The following DDR2 variants were observed in gnomAD, a reference collection of about 807,000 sequenced individuals.
DDR2 encodes the protein discoidin domain receptor tyrosine kinase 2.
Under a neutral mutation model 94.9 loss-of-function variants are expected in DDR2, and 27 were observed. The ratio of observed to expected loss-of-function variants is 0.28; its 90% confidence interval spans 0.21 to 0.39. The LOEUF (loss-of-function observed/expected upper bound fraction) is 0.39. Ranked by LOEUF, DDR2 falls within the 10% of genes least tolerant of loss-of-function variation. The pLI, the probability that DDR2 is intolerant of heterozygous loss-of-function variation, is 1.00. For missense variants in DDR2, 783 were observed against 1,076.0 expected (o/e 0.73, Z 3.81); for synonymous variants, 382 against 377.2 (o/e 1.01, Z -0.15).
chr1:162,637,137 A>G (rs540656484), intron 1 of DDR2, among the ~76,000 whole-genome samples: 1 of 152,200 alleles, frequency 6.6e-6, no homozygotes, highest in African/African-American at 2.4e-5. Context: ...ACACTGTTCT[A>G]TGTTTTATGA....
chr1:162,704,484 A>C (rs1660573634), intron 2 of DDR2, among the ~76,000 whole-genome samples: 1 of 152,224 alleles, frequency 6.6e-6, no homozygotes, highest in African/African-American at 2.4e-5. Context: ...ATAATAAAAA[A>C]AAGATAGTCC....
chr1:162,750,757 T>TACA (rs1423191781), intron 3 of DDR2, among the ~76,000 whole-genome samples: 2 of 152,172 alleles, frequency 1.3e-5, no homozygotes, highest in Non-Finnish European at 2.9e-5. Flanking sequence ...ACTACAAGGC[T>TACA]ACAGTAACCA....
intron 3 of DDR2, among the ~76,000 whole-genome samples, chr1:162,731,802 C>T (rs1662061288): frequency 6.6e-6 from 1 of 152,070 alleles, no homozygotes; most frequent in Non-Finnish European, 1.5e-5. Flanking sequence ...ATGAAGAAAC[C>T]GAAGTTCATA....
intron 2 of DDR2, among the ~76,000 whole-genome samples, chr1:162,717,477 C>T (rs1661225184): frequency 6.6e-6 from 1 of 152,152 alleles, no homozygotes; most frequent in African/African-American, 2.4e-5. Flanking sequence ...GATATAGATA[C>T]ATTATTATTA....
chr1:162,714,069 C>G (rs1395101556), intron 2 of DDR2, among the ~76,000 whole-genome samples: 1 of 152,070 alleles, frequency 6.6e-6, no homozygotes, highest in Non-Finnish European at 1.5e-5. Flanking sequence ...AGGTTGAATA[C>G]TTTTAGATGT....
intron 3 of DDR2, among the ~76,000 whole-genome samples, chr1:162,730,061 AAAAAAAAAAAAAAATCT>A (rs1420632951): frequency 6.7e-6 from 1 of 149,428 alleles, no homozygotes; most frequent in African/African-American, 2.5e-5. Flanking sequence ...TTTTTTGCAA[AAAAAAAAAAAAAAATCT>A]AAATGATGCC....
intron 2 of DDR2, among the ~76,000 whole-genome samples, chr1:162,660,237 C>T (rs987498253): frequency 1.3e-5 from 2 of 152,170 alleles, no homozygotes; most frequent in African/African-American, 4.8e-5. Flanking sequence ...CCATGATCCC[C>T]TCTAGGTAAG....
chr1:162,639,820 G>A (rs960723852), intron 1 of DDR2, among the ~76,000 whole-genome samples: 1 of 152,168 alleles, frequency 6.6e-6, no homozygotes, highest in African/African-American at 2.4e-5. Context: ...TTCGAATTCT[G>A]AATTTCATTG....
intron 3 of DDR2, 128 bp downstream of exon 3, chr1:162,719,273 T>G: frequency 6.6e-7 from 1 of 1,524,820 alleles, no homozygotes; most frequent in Non-Finnish European, 8.8e-7. Flanking sequence ...ATCTCCATGG[T>G]GAAATATGAC....
chr1:162,682,465 G>A (rs183372329), intron 2 of DDR2, among the ~76,000 whole-genome samples: 1 of 152,336 alleles, frequency 6.6e-6, no homozygotes, highest in Non-Finnish European at 1.5e-5. Flanking sequence ...TGGGATTAGA[G>A]TTCACTGAGT....
chr1:162,780,794 C>T lies in DDR2; in HGVS notation c.*548C>T, dbSNP rs1647861753. ...TGTCTCACTGTTTGTATTTCTCTCT[C>T]CTGTCAAAGTGAATGATATATTCTT... On this transcript the variant is annotated 3_prime_UTR_variant, in exon 18 of 18. Transcript: ENST00000367921. 1.3e-5 allele frequency: 2 copies of T among 156,060 alleles called. No homozygotes were observed. The highest frequency in any genetic ancestry group is 1.2e-4 in the Admixed American group (2 of 16,002). 9.7% of individuals were successfully genotyped at this position (156,060 alleles called of 1,614,324 possible).
Position 162,772,194 on chromosome 1 carries a change from C to T in DDR2, c.1675C>T (p.Pro559Ser). The T allele has an allele frequency of 6.2e-7, 1 of 1,614,190 alleles. No homozygotes were observed. The highest frequency in any genetic ancestry group is 8.5e-7 in the Non-Finnish European group (1 of 1,180,042). The change falls in exon 13 of 18, where the codon CCC becomes TCC. Residue 559 changes from proline to serine, a missense_variant. By Grantham distance (74) the Pro-to-Ser change is moderately conservative. This residue lies in a region of DDR2 where 264 missense variants were observed against 428.2 expected (regional missense o/e 0.62). Transcript: ENST00000367921. ...AAAAGATGTGGCTGTGGAGGAGTTCCCCAGGAAACTCCTAACTTTCAAAGA... is the reference window on the plus strand; with the variant it reads ...AAAAGATGTGGCTGTGGAGGAGTTCTCCAGGAAACTCCTAACTTTCAAAGA... Reference protein sequence around the residue: ...SGKDVAVEEFPRKLLTFKEKL... With the variant: ...SGKDVAVEEFSRKLLTFKEKL...
Position 162,776,298 on chromosome 1 carries a change from T to A in DDR2, c.2211T>A (p.Ser737Arg). 1 of 1,614,008 alleles carries A rather than the reference T, an allele frequency of 6.2e-7. No homozygotes were observed. The highest frequency in any genetic ancestry group is 1.1e-5 in the South Asian group (1 of 91,066). The change falls in exon 16 of 18, where the codon AGT becomes AGA. Residue 737 changes from serine to arginine, a missense_variant. Physicochemically the swap from Ser to Arg is moderately radical, Grantham distance 110. Transcript: ENST00000367921. Reference sequence around the variant, plus strand: ...TTGGAATGAGCAGGAACCTGTACAGTGGTGACTATTACCGGATCCAGGGCC... The same window carrying A: ...TTGGAATGAGCAGGAACCTGTACAGAGGTGACTATTACCGGATCCAGGGCC... The part of the protein sequence containing the change: ...ADFGMSRNLY[S>R]GDYYRIQGRA...
At chr1:162,715,880 C>T (rs116150879) in intron 2 of DDR2, among the ~76,000 whole-genome samples, 115 of 152,268 alleles carry the variant, frequency 7.6e-4, no homozygotes, top group South Asian at 2.5e-3. Context: ...TTAGGCAAAA[C>T]AGAAAAATAA....
At chr1:162,764,268 C>G (rs1663885719) in intron 9 of DDR2, among the ~76,000 whole-genome samples, 1 of 151,876 alleles carries the variant, frequency 6.6e-6, no homozygotes, top group Non-Finnish European at 1.5e-5. Flanking sequence ...ACAGTAACTG[C>G]AGCAAATAGT....
intron 2 of DDR2, among the ~76,000 whole-genome samples, chr1:162,699,822 A>G (rs1040348514): frequency 2.0e-5 from 3 of 152,226 alleles, no homozygotes; most frequent in African/African-American, 7.2e-5. Context: ...ATAAGATGCA[A>G]AGTTCTACAG....
At chr1:162,660,157 T>C (rs1467197709) in intron 2 of DDR2, among the ~76,000 whole-genome samples, 3 of 152,176 alleles carry the variant, frequency 2.0e-5, no homozygotes, top group African/African-American at 2.4e-5. Flanking sequence ...TTTCATAGCA[T>C]GTTTCAGGAT....
At chr1:162,657,674 G>T (rs1022795492) in intron 2 of DDR2, among the ~76,000 whole-genome samples, 3 of 152,082 alleles carry the variant, frequency 2.0e-5, no homozygotes, top group African/African-American at 4.8e-5. Context: ...AGCTGTGGGG[G>T]GCCTGTCCCC....
intron 2 of DDR2, among the ~76,000 whole-genome samples, chr1:162,693,498 T>C (rs1660049723): frequency 6.6e-6 from 1 of 152,188 alleles, no homozygotes; most frequent in Non-Finnish European, 1.5e-5. Flanking sequence ...CTATTTTAGG[T>C]ACTGAGAGTG....
Sources: gnomAD v4.1 joint callset for allele counts (sites outside exome capture counted in the v4.1 genomes callset) on GRCh38, gnomAD v4.1.1 for gene constraint, gnomAD v4.1.1 regional missense constraint, MANE v1.5 for transcripts, NCBI Gene and HGNC (gene_info 2026-07-23, HGNC 2026-07-21) for gene names.